Variants in PTPRG observed in about 807,000 individuals in gnomAD.
PTPRG encodes the protein receptor-type tyrosine-protein phosphatase gamma.
A neutral mutation model predicts 165.3 loss-of-function variants in PTPRG; 102 were observed. That is an observed-to-expected ratio of 0.62 (90% CI 0.53 to 0.73). The LOEUF is 0.73. Ranked by LOEUF, PTPRG falls within the 30% of genes least tolerant of loss-of-function variation. PTPRG has a pLI of 0.00. For missense variants in PTPRG, 1,866 were observed against 1,861.4 expected (o/e 1.00, Z -0.05); for synonymous variants, 675 against 669.5 (o/e 1.01, Z -0.13).
intron 2 of PTPRG, among the ~76,000 whole-genome samples, chr3:61,886,420 A>G (rs1483648391): frequency 6.6e-6 from 1 of 152,116 alleles, no homozygotes; most frequent in East Asian, 1.9e-4. Flanking sequence ...TGTAGAGAGT[A>G]TTTTTGAATA....
At chr3:62,078,092 G>A (rs918616335) in intron 4 of PTPRG, 71 bp from the exon 5 acceptor site, 48 of 995,596 alleles carry the variant, frequency 4.8e-5, no homozygotes, top group Non-Finnish European at 6.5e-5. Flanking sequence ...ATACATTTAT[G>A]GTACTATTCT....
intron 15 of PTPRG, among the ~76,000 whole-genome samples, chr3:62,247,523 GT>G (rs1382623848): frequency 6.6e-6 from 1 of 151,614 alleles, no homozygotes; most frequent in Non-Finnish European, 1.5e-5. Flanking sequence ...TAATTCTTGG[GT>G]TGACATTTTC....
At chr3:61,757,148 T>C (rs2033658961) in intron 2 of PTPRG, among the ~76,000 whole-genome samples, 1 of 152,152 alleles carries the variant, frequency 6.6e-6, no homozygotes, top group African/African-American at 2.4e-5. Flanking sequence ...TGTATTAAAA[T>C]AATATGGGTA....
rs1441834069 is a variant in PTPRG, at chr3:62,240,764, T to C, written c.2376-3043T>C. Among the ~76,000 whole-genome samples the C allele has an allele frequency of 6.6e-6, 1 of 152,168 alleles. No homozygotes were observed. The highest frequency in any genetic ancestry group is 1.5e-5 in the Non-Finnish European group (1 of 68,028). On this transcript the variant is annotated intron_variant, in intron 14 of 29. Transcript: ENST00000474889. The surrounding 1 kb of genome is among the most constrained non-coding windows in gnomAD (Gnocchi z 5.1). ...CCTAAAATGGTCTTCCTCCAGAGTT[T>C]TACAGGGTTAGACCTCCTTAATCAG... is the stretch of plus-strand genomic sequence containing the variant.
At chr3:61,913,244 G>A (rs2038847397) in intron 2 of PTPRG, among the ~76,000 whole-genome samples, 1 of 152,092 alleles carries the variant, frequency 6.6e-6, no homozygotes, top group African/African-American at 2.4e-5. Flanking sequence ...TTCTGAGACG[G>A]AGTCTCGCTC....
intron 8 of PTPRG, among the ~76,000 whole-genome samples, chr3:62,182,656 A>ATTGT (rs1705703721): frequency 1.3e-5 from 2 of 150,072 alleles, no homozygotes; most frequent in South Asian, 2.2e-4. Context: ...ACAGTAACTA[A>ATTGT]TTCTTTGTTT....
At chr3:61,977,891 T>C (rs2040545249) in intron 2 of PTPRG, among the ~76,000 whole-genome samples, 1 of 152,234 alleles carries the variant, frequency 6.6e-6, no homozygotes. Context: ...GTTTTTCAAT[T>C]AAAAATGTAA....
chr3:62,181,208 C>T (rs540866861), intron 8 of PTPRG, among the ~76,000 whole-genome samples: 29 of 152,276 alleles, frequency 1.9e-4, no homozygotes, highest in African/African-American at 6.3e-4. Context: ...GGGGCAACTC[C>T]GCACCAGGGT....
chr3:61,607,742 A>G (rs1343017260), intron 1 of PTPRG, among the ~76,000 whole-genome samples: 1 of 152,110 alleles, frequency 6.6e-6, no homozygotes, highest in East Asian at 1.9e-4. Flanking sequence ...CACTTTCTTC[A>G]GTGGGTCTCT....
rs549532213 is a variant in PTPRG, at chr3:61,694,179, G to A, written c.86-54699G>A. On this transcript the variant is annotated intron_variant, in intron 1 of 29. Transcript: ENST00000474889. ...TACAGGGAAGAATGCATGCTAAGACGTGGGTGCAAAAATGCCAATTAATTC... is the reference window on the plus strand; with the variant it reads ...TACAGGGAAGAATGCATGCTAAGACATGGGTGCAAAAATGCCAATTAATTC... Among the ~76,000 whole-genome samples, 9 of 152,266 alleles carry A rather than the reference G, an allele frequency of 5.9e-5. No homozygotes were observed. In the East Asian group the frequency reaches 1.2e-3, roughly 20 times the overall value.
rs538217296 is a variant in PTPRG, at chr3:62,200,817, G to A, written c.1328-688G>A. The stretch of plus-strand genomic sequence containing the variant: ...ATAACAGTACACAAAAGGTAAGGTG[G>A]GCAAATAGAGTTAAATTATTGTACA... On this transcript the variant is annotated intron_variant, in intron 10 of 29. Coordinates refer to ENST00000474889, the MANE Select transcript of PTPRG (RefSeq NM_002841.4). Among the ~76,000 whole-genome samples, 3 of 152,186 alleles carry A rather than the reference G, an allele frequency of 2.0e-5. No individual in the cohort carries two copies. In the South Asian group the frequency reaches 6.2e-4, roughly 32 times the overall value.
At chr3:62,113,893 G>T (rs1487353191) in intron 5 of PTPRG, among the ~76,000 whole-genome samples, 3 of 152,148 alleles carry the variant, frequency 2.0e-5, no homozygotes, top group Non-Finnish European at 4.4e-5. Flanking sequence ...GCTATTTATG[G>T]ATTTATTAGA....
intron 26 of PTPRG, among the ~76,000 whole-genome samples, chr3:62,279,414 G>C (rs1403571214): frequency 6.6e-6 from 1 of 151,994 alleles, no homozygotes; most frequent in Non-Finnish European, 1.5e-5. Flanking sequence ...CTTTAAGCTA[G>C]TTAATTTACT....
chr3:61,925,913 G>T lies in PTPRG; in HGVS notation c.191-63712G>T, dbSNP rs773982161. On this transcript the variant is annotated intron_variant, in intron 2 of 29. Coordinates refer to ENST00000474889, the MANE Select transcript of PTPRG (RefSeq NM_002841.4). ...AAAATCCCTGTTGATGAGGTAACCA[G>T]CAGTGTTTCCATAGGAACTCGAGCT... is the stretch of plus-strand genomic sequence containing the variant. 7 of 497,364 alleles carry T rather than the reference G, an allele frequency of 1.4e-5. No individual in the cohort carries two copies. In the Admixed American group the frequency reaches 1.4e-4, roughly 10 times the overall value. The allele number at this position is 497,364 out of a possible 1,614,324, so 30.8% of individuals were successfully genotyped here.
At position 61,855,045 on chromosome 3, in the gene PTPRG, C is replaced by T. The variant is rs377341605; in HGVS notation, c.190+106063C>T. On this transcript the variant is annotated intron_variant, in intron 2 of 29. Coordinates refer to ENST00000474889, the MANE Select transcript of PTPRG (RefSeq NM_002841.4). ...CTGTGATTTAATTTCTTCTTATTTTCACTGCATCAGAAGGTGAACGCAGTT... is the reference window on the plus strand; with the variant it reads ...CTGTGATTTAATTTCTTCTTATTTTTACTGCATCAGAAGGTGAACGCAGTT... 4.9e-4 allele frequency among the ~76,000 whole-genome samples: 74 copies of T among 152,218 alleles called. 1 individual carries two copies. In the East Asian group the frequency reaches 0.012, roughly 25 times the overall value.
At chr3:62,034,871 A>G (rs1486635092) in intron 4 of PTPRG, among the ~76,000 whole-genome samples, 1 of 152,218 alleles carries the variant, frequency 6.6e-6, no homozygotes, top group Non-Finnish European at 1.5e-5. Context: ...CAATAAATGT[A>G]ATGGGAGCAA....
chr3:62,288,185 A>C (rs1234578056), intron 28 of PTPRG, among the ~76,000 whole-genome samples: 2 of 152,118 alleles, frequency 1.3e-5, no homozygotes, highest in East Asian at 1.9e-4. Flanking sequence ...ACATATTAGA[A>C]AGGTTAAAAA....
At position 61,641,818 on chromosome 3, in the gene PTPRG, A is replaced by T. The variant is rs1433513890; in HGVS notation, c.85+79446A>T. 2.0e-5 allele frequency among the ~76,000 whole-genome samples: 3 copies of T among 152,206 alleles called. No individual in the cohort carries two copies. In the East Asian group the frequency reaches 5.8e-4, roughly 29 times the overall value. On this transcript the variant is annotated intron_variant, in intron 1 of 29. Coordinates refer to ENST00000474889, the MANE Select transcript of PTPRG (RefSeq NM_002841.4). Reference sequence around the variant, plus strand: ...TCAGTGCCTTTTAGAAAAATTGCAAAGCAGGAAGTAAACCTTGCTTGCTGA... The same window carrying T: ...TCAGTGCCTTTTAGAAAAATTGCAATGCAGGAAGTAAACCTTGCTTGCTGA...
rs200417191 is a variant in PTPRG, at chr3:62,026,879, T to TAAAAAAAAAAAAAAAAAAAAAAAAAAAA, written c.519+23397_519+23398insAAAAAAAAAAAAAAAAAAAAAAAAAAAA. Among the ~76,000 whole-genome samples, 9 of 94,678 alleles carry TAAAAAAAAAAAAAAAAAAAAAAAAAAAA rather than the reference T, an allele frequency of 9.5e-5. 1 individual carries two copies. The highest frequency in any genetic ancestry group is 6.0e-4 in the East Asian group (2 of 3,340). 62.1% of individuals were successfully genotyped at this position (94,678 alleles called of 152,430 possible). On this transcript the variant is annotated intron_variant, in intron 4 of 29. Transcript: ENST00000474889. ...CCAGCCTGGGAAACCGAGTGAGAAT[T>TAAAAAAAAAAAAAAAAAAAAAAAAAAAA]AAAAAAAAAAAAAAAGATATAAGAA...
Sources: allele counts gnomAD v4.1 joint callset (sites outside exome capture counted in the v4.1 genomes callset), GRCh38; gene constraint gnomAD v4.1.1; non-coding constraint Gnocchi (gnomAD v3.1); transcripts MANE v1.5; gene names NCBI Gene and HGNC (gene_info 2026-07-23, HGNC 2026-07-21).